Variants in SH3PXD2A observed in about 807,000 individuals in gnomAD.
SH3PXD2A encodes the protein SH3 and PX domains 2A, also known as SH3 and PX domain-containing protein 2A.
SH3PXD2A carries 32 observed loss-of-function variants against 115.2 expected under a neutral mutation model. The observed-to-expected ratio is 0.28, with a 90% CI of 0.21 to 0.37. SH3PXD2A has a LOEUF of 0.37. SH3PXD2A is among the 10% of genes least tolerant of loss of function. SH3PXD2A has a pLI of 1.00. For missense variants in SH3PXD2A, 1,328 were observed against 1,498.7 expected (o/e 0.89, Z 1.88); for synonymous variants, 610 against 629.1 (o/e 0.97, Z 0.45).
intron 8 of SH3PXD2A, among the ~76,000 whole-genome samples, chr10:103,630,629 TAGAG>T (rs1221525311): frequency 2.0e-5 from 3 of 150,200 alleles, no homozygotes; most frequent in Non-Finnish European, 4.4e-5. Flanking sequence ...AGTCAAGAGA[TAGAG>T]AGCCAGAAGC....
At chr10:103,626,400 T>C (rs1414337019) in intron 9 of SH3PXD2A, among the ~76,000 whole-genome samples, 3 of 152,010 alleles carry the variant, frequency 2.0e-5, no homozygotes, top group East Asian at 1.9e-4. Context: ...AGCCAGGCCA[T>C]GGGAGGCTTG....
At chr10:103,706,933 C>T (rs758178347) in intron 5 of SH3PXD2A, among the ~76,000 whole-genome samples, 7 of 152,316 alleles carry the variant, frequency 4.6e-5, no homozygotes, top group South Asian at 2.1e-4. Flanking sequence ...CAGCAGCCCG[C>T]GGCCTCCTGT....
At chr10:103,660,002 T>C (rs1180144507) in intron 8 of SH3PXD2A, among the ~76,000 whole-genome samples, 2 of 152,182 alleles carry the variant, frequency 1.3e-5, no homozygotes, top group East Asian at 3.9e-4. Flanking sequence ...ATGCTTTGCC[T>C]TTCCTTTCCG....
intron 2 of SH3PXD2A, among the ~76,000 whole-genome samples, chr10:103,771,156 C>T (rs1195693541): frequency 6.6e-6 from 1 of 152,188 alleles, no homozygotes. Context: ...AACAAGGTGA[C>T]CCGCTATTCC....
rs1300586915 is a variant in SH3PXD2A, at chr10:103,746,530, C to T, written c.230-10722G>A. On this transcript the variant is annotated intron_variant, in intron 3 of 14. Transcript: ENST00000369774. This position sits in a 1 kb window ranked among gnomAD's most constrained non-coding sequence, Gnocchi z 4.4. ...AGAAACTGGGTTTCACCATGTAGCC[C>T]AGGCTGGTTTTAAACTCCTGGGCTC... is the stretch of plus-strand genomic sequence containing the variant. Among the ~76,000 whole-genome samples, 2 of 152,146 alleles carry T rather than the reference C, an allele frequency of 1.3e-5. No homozygotes were observed. The highest frequency in any genetic ancestry group is 4.8e-5 in the African/African-American group (2 of 41,422).
intron 8 of SH3PXD2A, among the ~76,000 whole-genome samples, chr10:103,654,265 A>G (rs2037175749): frequency 6.6e-6 from 1 of 152,206 alleles, no homozygotes; most frequent in South Asian, 2.1e-4. Flanking sequence ...TAACTGCCCA[A>G]GCAAGAACTC....
intron 5 of SH3PXD2A, among the ~76,000 whole-genome samples, chr10:103,694,176 G>A (rs1273625884): frequency 1.3e-5 from 2 of 151,316 alleles, no homozygotes; most frequent in East Asian, 2.0e-4. Context: ...GAGTCCGAAG[G>A]AAATGCCTTC....
intron 7 of SH3PXD2A, among the ~76,000 whole-genome samples, chr10:103,661,347 G>A (rs1439649360): frequency 6.6e-6 from 1 of 152,254 alleles, no homozygotes; most frequent in South Asian, 2.1e-4. Context: ...GAGCCAGGGG[G>A]CCGGGGAGGG....
chr10:103,762,344 C>T (rs1211913927), intron 3 of SH3PXD2A, among the ~76,000 whole-genome samples: 1 of 152,048 alleles, frequency 6.6e-6, no homozygotes, highest in Non-Finnish European at 1.5e-5. Flanking sequence ...AACAAAGCAC[C>T]CCCCATCCAG....
chr10:103,735,794 G>C lies in SH3PXD2A; in HGVS notation c.244C>G (p.Arg82Gly). 1 of 1,613,816 alleles carries C rather than the reference G, an allele frequency of 6.2e-7. No individual in the cohort carries two copies. Among genetic ancestry groups the C allele is most frequent in the Non-Finnish European group, 8.5e-7 (1 of 1,179,806 alleles). ...IPFLPGKILF[R>G]RSHIRDVAVK... ...GCTACGTCCCGGATGTGGCTTCTGC[G>C]GAAGAGGATCTTGCCTGGAAGAGAG... The change falls in exon 4 of 15, where the codon CGC becomes GGC. Residue 82 changes from arginine (R) to glycine (G), a missense_variant. Transcript: ENST00000369774.
intron 1 of SH3PXD2A, among the ~76,000 whole-genome samples, chr10:103,825,657 A>G (rs1464646761): frequency 2.0e-5 from 3 of 152,136 alleles, no homozygotes; most frequent in African/African-American, 7.2e-5. Flanking sequence ...GTCCTGTGGC[A>G]TGCCCCTAGA....
At chr10:103,625,962 C>A (rs894598336) in intron 9 of SH3PXD2A, among the ~76,000 whole-genome samples, 1 of 152,218 alleles carries the variant, frequency 6.6e-6, no homozygotes, top group African/African-American at 2.4e-5. Context: ...TGAGACCAGA[C>A]CTAGCTCAGG....
At chr10:103,782,936 G>T (rs1370312783) in intron 2 of SH3PXD2A, among the ~76,000 whole-genome samples, 3 of 151,176 alleles carry the variant, frequency 2.0e-5, no homozygotes, top group Admixed American at 6.6e-5. Context: ...CATGCCTTGG[G>T]GGGGGGGGCT....
intron 5 of SH3PXD2A, among the ~76,000 whole-genome samples, chr10:103,712,139 G>A (rs1233378876): frequency 6.6e-6 from 1 of 152,142 alleles, no homozygotes; most frequent in Admixed American, 6.5e-5. Context: ...TTGGATTGTG[G>A]TGATGGTTGC....
intron 8 of SH3PXD2A, among the ~76,000 whole-genome samples, chr10:103,643,173 C>A (rs2036979745): frequency 6.6e-6 from 1 of 152,168 alleles, no homozygotes; most frequent in Non-Finnish European, 1.5e-5. Flanking sequence ...GGAGCAGCCA[C>A]CACGAATGCC....
At chr10:103,747,705 G>A (rs902737022) in intron 3 of SH3PXD2A, among the ~76,000 whole-genome samples, 5 of 152,186 alleles carry the variant, frequency 3.3e-5, no homozygotes, top group African/African-American at 7.2e-5. Flanking sequence ...GAGGCCTGTC[G>A]GTAAAGGGCC....
chr10:103,662,650 C>T (rs899468247), intron 7 of SH3PXD2A, among the ~76,000 whole-genome samples: 3 of 151,872 alleles, frequency 2.0e-5, no homozygotes, highest in Non-Finnish European at 2.9e-5. Flanking sequence ...CCACCCGCCT[C>T]GGCCTCCCAA....
intron 5 of SH3PXD2A, among the ~76,000 whole-genome samples, chr10:103,710,513 T>A (rs755914571): frequency 1.2e-4 from 18 of 152,226 alleles, no homozygotes; most frequent in Non-Finnish European, 2.2e-4. Context: ...CCTATTTTAC[T>A]CCTGGGGGAA....
intron 9 of SH3PXD2A, 89 bp from the exon 10 acceptor site, chr10:103,622,642 G>C: frequency 5.5e-6 from 3 of 545,772 alleles, no homozygotes; most frequent in Non-Finnish European, 1.0e-5. Flanking sequence ...GGGGTGGGAG[G>C]AAGGGGCACA....
Sources: allele counts gnomAD v4.1 joint callset (sites outside exome capture counted in the v4.1 genomes callset), GRCh38; gene constraint gnomAD v4.1.1; non-coding constraint Gnocchi (gnomAD v3.1); transcripts MANE v1.5; gene names NCBI Gene and HGNC (gene_info 2026-07-23, HGNC 2026-07-21).